Variants in DDX31 observed in about 807,000 individuals in gnomAD.
DDX31 encodes ATP-dependent DNA helicase DDX31.
A neutral mutation model predicts 91.3 loss-of-function variants in DDX31; 70 were observed. The observed-to-expected ratio is 0.77, with a 90% confidence interval of 0.63 to 0.94. The LOEUF is 0.94. DDX31 is among the 40% of genes least tolerant of loss of function. The pLI is 0.00. For missense variants in DDX31, 902 were observed against 925.0 expected (o/e 0.98, Z 0.32); for synonymous variants, 362 against 350.6 (o/e 1.03, Z -0.36).
At chr9:132,654,268 T>C (rs562997327) in intron 6 of DDX31, among the ~76,000 whole-genome samples, 102 of 152,230 alleles carry the variant, frequency 6.7e-4, no homozygotes, top group Non-Finnish European at 1.1e-3. Context: ...AAAGAGCTAA[T>C]TTCCTTAATT....
chr9:132,630,234 G>A, intron 16 of DDX31, 30 bp downstream of exon 16: 2 of 1,557,810 alleles, frequency 1.3e-6, no homozygotes, highest in Non-Finnish European at 8.8e-7. Flanking sequence ...GGTGAGACCA[G>A]CCGAAACCCC....
chr9:132,632,089 A>G lies in DDX31; in HGVS notation c.1443T>C (p.Asp481=). 7 of 1,612,908 alleles carry G rather than the reference A, an allele frequency of 4.3e-6. No individual in the cohort carries two copies. Among genetic ancestry groups the G allele is most frequent in the Non-Finnish European group, 5.1e-6 (6 of 1,179,246 alleles). Residue 481 remains aspartate (D), a splice_region_variant and synonymous_variant, in exon 15 of 20, where the codon GAT becomes GAC. Transcript: ENST00000372159. ...GGAGATCTAAGCCCCGAGCTGCAAC[A>G]TCCTTTAACAAAGAAAAGAATATGG... The part of the protein sequence containing the change: ...HSRRGVLLCT[D]VAARGLDLPQ...
chr9:132,648,620 A>G (rs1372812905), intron 9 of DDX31, 69 bp from the exon 10 acceptor site: 14 of 1,533,362 alleles, frequency 9.1e-6, no homozygotes, highest in Non-Finnish European at 1.2e-5. Context: ...AACACAGGAA[A>G]AAGGCAAAAT....
intron 18 of DDX31, among the ~76,000 whole-genome samples, chr9:132,613,453 G>A (rs990798326): frequency 1.3e-5 from 2 of 152,170 alleles, no homozygotes; most frequent in African/African-American, 4.8e-5. Flanking sequence ...CAGCACTTTG[G>A]GAGGCCAAGT....
At chr9:132,668,539 G>A (rs59922139) in intron 1 of DDX31, among the ~76,000 whole-genome samples, 1 of 150,860 alleles carries the variant, frequency 6.6e-6, no homozygotes, top group African/African-American at 2.4e-5. Context: ...GAGGTCCTGA[G>A]AACATGTGCC....
intron 14 of DDX31, among the ~76,000 whole-genome samples, chr9:132,639,553 C>G (rs1354333354): frequency 6.6e-6 from 1 of 152,172 alleles, no homozygotes; most frequent in Non-Finnish European, 1.5e-5. Context: ...CTAGCTGATA[C>G]CACGTGCCTG....
chr9:132,629,154 C>G (rs971643507), intron 16 of DDX31, among the ~76,000 whole-genome samples: 2 of 152,240 alleles, frequency 1.3e-5, no homozygotes, highest in African/African-American at 4.8e-5. Flanking sequence ...ACTGACTGAT[C>G]TATATGAGAC....
chr9:132,618,615 G>C (rs1003667545), intron 17 of DDX31, among the ~76,000 whole-genome samples, 174 bp from the exon 18 acceptor site: 6 of 152,104 alleles, frequency 3.9e-5, no homozygotes, highest in African/African-American at 1.5e-4. Context: ...TCAAAGTCAA[G>C]TAAGGATGAG....
At chr9:132,660,786 T>C (rs994876013) in intron 4 of DDX31, among the ~76,000 whole-genome samples, 14 of 152,236 alleles carry the variant, frequency 9.2e-5, no homozygotes, top group African/African-American at 3.4e-4. Context: ...CCAGGAGTCA[T>C]TCCCTGTAAC....
intron 9 of DDX31, 30 bp from the exon 10 acceptor site, chr9:132,648,581 G>A (rs370221907): frequency 5.7e-5 from 91 of 1,589,314 alleles, no homozygotes; most frequent in Middle Eastern, 5.1e-4. Flanking sequence ...ATAAAAGAAA[G>A]TAAATCAAAC....
intron 14 of DDX31, among the ~76,000 whole-genome samples, chr9:132,636,056 T>A (rs1833094772): frequency 6.6e-6 from 1 of 152,200 alleles, no homozygotes; most frequent in African/African-American, 2.4e-5. Flanking sequence ...GAAGGACCAC[T>A]GAGGGTACCT....
chr9:132,621,396 C>T (rs1045322052), intron 17 of DDX31, among the ~76,000 whole-genome samples: 2 of 152,180 alleles, frequency 1.3e-5, no homozygotes, highest in Non-Finnish European at 2.9e-5. Flanking sequence ...CAAATTTATT[C>T]TCTTTGTAGG....
intron 4 of DDX31, 172 bp downstream of exon 4, chr9:132,661,036 T>A (rs1402048889): frequency 1.6e-6 from 1 of 636,052 alleles, no homozygotes; most frequent in Non-Finnish European, 2.8e-6. Flanking sequence ...GTCTTTCCAT[T>A]TAACAGGTGG....
intron 19 of DDX31, among the ~76,000 whole-genome samples, chr9:132,597,866 C>A (rs1026533855): frequency 6.6e-6 from 1 of 152,162 alleles, no homozygotes; most frequent in Non-Finnish European, 1.5e-5. Context: ...GCGTACATTG[C>A]GCCACTGAAT....
chr9:132,623,734 C>T (rs957765955), intron 17 of DDX31, among the ~76,000 whole-genome samples: 5 of 151,942 alleles, frequency 3.3e-5, no homozygotes, highest in African/African-American at 9.7e-5. Flanking sequence ...ACACTGGTGA[C>T]AGATGAGGAA....
intron 17 of DDX31, among the ~76,000 whole-genome samples, chr9:132,621,605 C>G (rs545805429): frequency 1.3e-5 from 2 of 152,318 alleles, no homozygotes; most frequent in Non-Finnish European, 1.5e-5. Flanking sequence ...GTCTGGCTAT[C>G]TGAACGAAAG....
chr9:132,662,367 A>C (rs779779197), intron 2 of DDX31, 31 bp from the exon 3 acceptor site: 1 of 1,614,062 alleles, frequency 6.2e-7, no homozygotes, highest in African/African-American at 1.3e-5. Context: ...CCCAGGCATC[A>C]GTGCCAATAT....
rs1021694833 is a variant in DDX31, at chr9:132,647,117, A to G, written c.968-59T>C. 4 of 1,519,212 alleles carry G rather than the reference A, an allele frequency of 2.6e-6. No individual in the cohort carries two copies. The African/African-American group carries it at 5.5e-5, about 21-fold the overall frequency. 94.1% of individuals were successfully genotyped at this position (1,519,212 alleles called of 1,614,324 possible). On this transcript the variant is annotated intron_variant, in intron 11 of 19. Transcript: ENST00000372159. Reference sequence around the variant, plus strand: ...CAAACACACCATGAAACTGGTCACAAAAGCGTACCCCCATACAGCACCCAC... The same window carrying G: ...CAAACACACCATGAAACTGGTCACAGAAGCGTACCCCCATACAGCACCCAC...
chr9:132,620,574 A>T (rs968083224), intron 17 of DDX31, among the ~76,000 whole-genome samples: 1 of 151,862 alleles, frequency 6.6e-6, no homozygotes, highest in Non-Finnish European at 1.5e-5. Flanking sequence ...AGAAAAAAAT[A>T]TATACAATAC....
Sources: allele counts gnomAD v4.1 joint callset (sites outside exome capture counted in the v4.1 genomes callset), GRCh38; gene constraint gnomAD v4.1.1; transcripts MANE v1.5; gene names NCBI Gene and HGNC (gene_info 2026-07-23, HGNC 2026-07-21).